COMMD7: variants seen among roughly 807,000 people sequenced by gnomAD.
COMMD7 encodes the protein COMM domain containing 7, also known as COMM domain-containing protein 7.
A neutral mutation model predicts 34.8 loss-of-function variants in COMMD7; 28 were observed. That is an observed-to-expected ratio of 0.80 (90% CI 0.60 to 1.10). The LOEUF (loss-of-function observed/expected upper bound fraction) is 1.10. COMMD7 is among the 50% of genes least tolerant of loss of function. COMMD7 has a pLI of 0.00. For missense variants in COMMD7, 211 were observed against 241.6 expected, an observed-to-expected ratio of 0.87 and a Z score of 0.84; for synonymous variants, 80 against 86.4, an observed-to-expected ratio of 0.93 and a Z score of 0.41.
chr20:32,736,911 T>C, intron 1 of COMMD7, among the ~76,000 whole-genome samples: 1 of 152,082 alleles, frequency 6.6e-6, no homozygotes, highest in East Asian at 1.9e-4. Flanking sequence ...CTGGGCACCA[T>C]GGCTCATGCC....
At chr20:32,706,199 A>G (rs1262373189) in intron 5 of COMMD7, among the ~76,000 whole-genome samples, 1 of 139,960 alleles carries the variant, frequency 7.1e-6, no homozygotes, top group Non-Finnish European at 1.6e-5. Context: ...ACTCTGTCTC[A>G]AAAAAAAAAA....
At chr20:32,736,957 G>T (rs1986156573) in intron 1 of COMMD7, among the ~76,000 whole-genome samples, 1 of 151,896 alleles carries the variant, frequency 6.6e-6, no homozygotes, top group African/African-American at 2.4e-5. Context: ...GAGGCAGGTG[G>T]ATCACCTAAG....
intron 6 of COMMD7, 116 bp from the exon 7 acceptor site, chr20:32,704,605 A>G: frequency 9.1e-7 from 1 of 1,103,844 alleles, no homozygotes; most frequent in Non-Finnish European, 1.3e-6. Context: ...TGTGGGGGCA[A>G]GTATGAGGGC....
At chr20:32,716,341 C>T (rs534600032) in intron 3 of COMMD7, among the ~76,000 whole-genome samples, 1 of 152,192 alleles carries the variant, frequency 6.6e-6, no homozygotes, top group East Asian at 1.9e-4. Flanking sequence ...TTGGGCCGGG[C>T]GCAGTGGCTC....
intron 3 of COMMD7, among the ~76,000 whole-genome samples, chr20:32,711,125 G>T (rs1451752722): frequency 6.6e-6 from 1 of 151,592 alleles, no homozygotes; most frequent in Non-Finnish European, 1.5e-5. Context: ...GGCCGGGGGT[G>T]GTGGCTCACG....
At position 32,741,964 on chromosome 20, in the gene COMMD7, G is replaced by A. The variant is rs188032123; in HGVS notation, c.84+1344C>T. Among the ~76,000 whole-genome samples, 920 of 152,268 alleles carry A rather than the reference G, an allele frequency of 6.0e-3. 3 individuals carry two copies. Among genetic ancestry groups the A allele is most frequent in the Non-Finnish European group, 8.7e-3 (591 of 68,012 alleles). On this transcript the variant is annotated intron_variant, in intron 1 of 8. Coordinates refer to ENST00000278980, the MANE Select transcript of COMMD7 (RefSeq NM_053041.3). ...ACACTCTGGGAGGCTGAGGTGGGCA[G>A]ATCACCTGAGGTCAGGTGTTCAAGA...
At chr20:32,742,723 C>T (rs1357222143) in intron 1 of COMMD7, among the ~76,000 whole-genome samples, 1 of 152,116 alleles carries the variant, frequency 6.6e-6, no homozygotes, top group African/African-American at 2.4e-5. Flanking sequence ...CAGATCGAGC[C>T]CCTCAGGCCC....
At chr20:32,725,361 G>A (rs1291048309) in intron 3 of COMMD7, among the ~76,000 whole-genome samples, 1 of 151,904 alleles carries the variant, frequency 6.6e-6, no homozygotes, top group East Asian at 1.9e-4. Context: ...ATTATCTCTA[G>A]GGACAAAAGT....
Position 32,743,314 on chromosome 20 carries a change from G to A in COMMD7, c.78C>T (p.Gly26=), listed in dbSNP as rs1013742503. 2.1e-6 allele frequency: 3 copies of A among 1,433,668 alleles called. No individual in the cohort carries two copies. Among genetic ancestry groups the A allele is most frequent in the Non-Finnish European group, 2.8e-6 (3 of 1,086,484 alleles). The allele number at this position is 1,433,668 out of a possible 1,614,324, so 88.8% of individuals were successfully genotyped here. Residue 26 remains glycine (G), a synonymous_variant, in exon 1 of 9, where the codon GGC becomes GGT. Transcript: ENST00000278980. ...GGDMQQLNQL[G]AQQFSALTEV... ...GCCCCGCCGCCGGGCCCACCTGCGC[G>A]CCCAGCTGGTTCAGCTGCTGCATGT...
chr20:32,704,796 C>A lies in COMMD7; in HGVS notation c.427+18G>T. The A allele has an allele frequency of 6.3e-7, 1 of 1,579,776 alleles. No individual in the cohort carries two copies. ...CCTGTACCACCCAAATAACCCAGGA[C>A]TGGTTGTAACTAGTTACCTCCAAAT... On this transcript the variant is annotated intron_variant, in intron 6 of 8. Coordinates refer to ENST00000278980, the MANE Select transcript of COMMD7 (RefSeq NM_053041.3).
intron 1 of COMMD7, among the ~76,000 whole-genome samples, chr20:32,741,053 G>A (rs1222344465): frequency 1.3e-5 from 2 of 151,504 alleles, no homozygotes; most frequent in Non-Finnish European, 1.5e-5. Context: ...TGAGGCAAAA[G>A]AATCACTTGA....
intron 1 of COMMD7, among the ~76,000 whole-genome samples, chr20:32,732,061 A>G (rs1985869120): frequency 6.6e-6 from 1 of 152,180 alleles, no homozygotes; most frequent in Admixed American, 6.6e-5. Context: ...TGACCTTTCT[A>G]GGGGCAATTT....
At chr20:32,740,241 CG>C (rs1174730378) in intron 1 of COMMD7, among the ~76,000 whole-genome samples, 3 of 148,616 alleles carry the variant, frequency 2.0e-5, no homozygotes, top group African/African-American at 5.0e-5. Flanking sequence ...GGCGTGAACC[CG>C]GGAGGCGGAG....
rs1986333095 is a variant in COMMD7 at position 32,739,743 on chromosome 20, G to T, written c.84+3565C>A. Among the ~76,000 whole-genome samples the T allele has an allele frequency of 2.1e-5, 3 of 140,108 alleles. 1 individual carries two copies. The highest frequency in any genetic ancestry group is 7.0e-5 in the Admixed American group (1 of 14,372). The allele number at this position is 140,108 out of a possible 152,430, so 91.9% of individuals were successfully genotyped here. A position where few individuals can be genotyped will look rare whatever the true frequency, so the allele number is the denominator to read the frequency against. On this transcript the variant is annotated intron_variant, in intron 1 of 8. Transcript: ENST00000278980. Reference sequence around the variant, plus strand: ...CTTGAAAAGGGCTAATCTGACCAGGGGTGGTGGCTCACTCCTGTAATCCCA... The same window carrying T: ...CTTGAAAAGGGCTAATCTGACCAGGTGTGGTGGCTCACTCCTGTAATCCCA...
Position 32,703,372 on chromosome 20 carries a change from G to A in COMMD7, c.*10C>T. 6.2e-7 allele frequency: 1 copy of A among 1,613,228 alleles called. No individual in the cohort carries two copies. Among genetic ancestry groups the A allele is most frequent in the Non-Finnish European group, 8.5e-7 (1 of 1,179,494 alleles). ...AGGGAACGGGGCCAGGGGAGATGCA[G>A]GGACAGAAATCAGCAGAAACACTCC... is the stretch of plus-strand genomic sequence containing the variant. On this transcript the variant is annotated 3_prime_UTR_variant, in exon 9 of 9. Transcript: ENST00000278980.
Position 32,727,768 on chromosome 20 carries a change from A to G in COMMD7, c.241+125T>C, listed in dbSNP as rs1261645382. ...GGGCTCCCTCCAGAGACAGAGTCCC[A>G]CCCACGTCTGGCTCATTACCAAACG... On this transcript the variant is annotated intron_variant, in intron 3 of 8. Transcript: ENST00000278980. 2 of 743,714 alleles carry G rather than the reference A, an allele frequency of 2.7e-6. 1 individual carries two copies. The highest frequency in any genetic ancestry group is 4.1e-5 in the Admixed American group (2 of 48,244). 46.1% of individuals were successfully genotyped at this position (743,714 alleles called of 1,614,324 possible).
In COMMD7 at chr20:32,741,259, T is replaced by C. The variant is rs190397452; in HGVS notation, c.84+2049A>G. Among the ~76,000 whole-genome samples, 485 of 151,682 alleles carry C rather than the reference T, an allele frequency of 3.2e-3. 1 individual carries two copies. The highest frequency in any genetic ancestry group is 0.011 in the African/African-American group (438 of 41,392). On this transcript the variant is annotated intron_variant, in intron 1 of 8. Coordinates refer to ENST00000278980, the MANE Select transcript of COMMD7 (RefSeq NM_053041.3). ...TCTCACTATGCTGCCCAGGCTGGAG[T>C]GCAATGGCTATTCACAGGTGGAATC...
At chr20:32,703,490 GT>G in intron 8 of COMMD7, 32 bp from the exon 9 acceptor site, 1 of 1,603,114 alleles carries the variant, frequency 6.2e-7, no homozygotes, top group Non-Finnish European at 8.5e-7. Context: ...TCAGATAAAT[GT>G]TTCCAACTCC....
chr20:32,716,859 C>CTT (rs34687680), intron 3 of COMMD7, among the ~76,000 whole-genome samples: 5 of 146,910 alleles, frequency 3.4e-5, no homozygotes, highest in East Asian at 4.0e-4. Context: ...GGGTTAGTAA[C>CTT]TTTTTTTTTT....
Sources: gnomAD v4.1 joint callset for allele counts (sites outside exome capture counted in the v4.1 genomes callset) on GRCh38, gnomAD v4.1.1 for gene constraint, MANE v1.5 for transcripts, NCBI Gene and HGNC (gene_info 2026-07-23, HGNC 2026-07-21) for gene names.